The following PPARGC1A variants were observed in gnomAD, a reference collection of about 807,000 sequenced individuals.
PPARGC1A encodes the protein PPARG coactivator 1 alpha, also known as peroxisome proliferator-activated receptor gamma coactivator 1-alpha.
In PPARGC1A, 25 loss-of-function variants were observed where a neutral mutation model predicts 88.7. That is an observed-to-expected ratio of 0.28 (90% CI 0.21 to 0.39). PPARGC1A has a LOEUF of 0.39. Among genes scored for constraint, PPARGC1A ranks in the 10% least tolerant of loss-of-function variants. The pLI is 1.00. For missense variants in PPARGC1A, 880 were observed against 968.7 expected (o/e 0.91, Z 1.22); for synonymous variants, 363 against 355.6 (o/e 1.02, Z -0.24).
the PPARGC1A span, among the ~76,000 whole-genome samples, chr4:24,200,895 TA>T: frequency 6.6e-6 from 1 of 152,322 alleles, no homozygotes; most frequent in Non-Finnish European, 1.5e-5. Context: ...CTCTGTTTTC[TA>T]TGTTTCTTAT....
At chr4:23,917,361 G>A in the PPARGC1A span, among the ~76,000 whole-genome samples, 1 of 145,444 alleles carries the variant, frequency 6.9e-6, no homozygotes, top group East Asian at 2.0e-4. Flanking sequence ...ACTCTTTTCT[G>A]TGTTTTCTTT....
chr4:24,068,480 G>C, the PPARGC1A span, among the ~76,000 whole-genome samples: 2 of 152,122 alleles, frequency 1.3e-5, no homozygotes, highest in African/African-American at 4.8e-5. Flanking sequence ...ATTACAATGG[G>C]CTTCAGGGAA....
the PPARGC1A span, among the ~76,000 whole-genome samples, chr4:24,367,623 G>A: frequency 6.6e-6 from 1 of 152,122 alleles, no homozygotes; most frequent in African/African-American, 2.4e-5. Context: ...ATCTTAAAAT[G>A]CCTAAAAATG....
the PPARGC1A span, among the ~76,000 whole-genome samples, chr4:24,041,041 G>A: frequency 0.015 from 2,209 of 152,262 alleles, 17 homozygotes; most frequent in Non-Finnish European, 0.024. Flanking sequence ...TCTTGGCAGT[G>A]GGAGAACCGA....
At chr4:24,033,869 T>C in the PPARGC1A span, among the ~76,000 whole-genome samples, 1 of 152,280 alleles carries the variant, frequency 6.6e-6, no homozygotes, top group African/African-American at 2.4e-5. Context: ...TAACTCCAAC[T>C]CATATTCATT....
chr4:23,865,234 C>T (rs1711667982), intron 2 of PPARGC1A, among the ~76,000 whole-genome samples: 1 of 152,114 alleles, frequency 6.6e-6, no homozygotes, highest in Non-Finnish European at 1.5e-5. Context: ...AATGGACCAC[C>T]TCAGTCAAGC....
At chr4:24,339,191 C>CGTGT in the PPARGC1A span, among the ~76,000 whole-genome samples, 34 of 102,990 alleles carry the variant, frequency 3.3e-4, no homozygotes, top group African/African-American at 1.2e-3. Context: ...AAGGTTCATC[C>CGTGT]ATGTGTGTGT....
upstream of PPARGC1A, chr4:23,890,207 A>G: frequency 3.5e-6 from 2 of 568,766 alleles, no homozygotes; most frequent in Non-Finnish European, 5.0e-6. Context: ...GCTTCAGTGA[A>G]GTAACGCTTT....
chr4:24,119,454 C>T, the PPARGC1A span, among the ~76,000 whole-genome samples: 1 of 152,164 alleles, frequency 6.6e-6, no homozygotes, highest in Non-Finnish European at 1.5e-5. Context: ...GGGGGCTTCT[C>T]TGTGGCAACT....
At chr4:23,974,898 G>T in the PPARGC1A span, among the ~76,000 whole-genome samples, 2 of 137,870 alleles carry the variant, frequency 1.5e-5, no homozygotes, top group Non-Finnish European at 3.0e-5. Flanking sequence ...CTCGTGATCC[G>T]CCCACCTCGG....
chr4:24,183,124 A>G, the PPARGC1A span, among the ~76,000 whole-genome samples: 7 of 152,216 alleles, frequency 4.6e-5, no homozygotes, highest in African/African-American at 1.7e-4. Flanking sequence ...AAAATGACAT[A>G]TTTGAGGTAA....
the PPARGC1A span, among the ~76,000 whole-genome samples, chr4:24,443,627 C>G: frequency 5.1e-3 from 783 of 152,102 alleles, 7 homozygotes; most frequent in Non-Finnish European, 7.1e-3. Context: ...AAAATCTCGG[C>G]TCACTGCAAC....
chr4:23,920,906 C>G, the PPARGC1A span, among the ~76,000 whole-genome samples: 1 of 152,172 alleles, frequency 6.6e-6, no homozygotes, highest in African/African-American at 2.4e-5. Context: ...CCAGCCAGAA[C>G]TCCCATCTCT....
the PPARGC1A span, among the ~76,000 whole-genome samples, chr4:24,266,437 G>A: frequency 1.3e-5 from 2 of 152,152 alleles, no homozygotes; most frequent in Non-Finnish European, 2.9e-5. Context: ...CATTCATTCA[G>A]TCAGTCAGTA....
chr4:23,828,683 G>A, intron 4 of PPARGC1A, 79 bp from the exon 5 acceptor site: 1 of 1,339,968 alleles, frequency 7.5e-7, no homozygotes. Context: ...CTGGAGAGAT[G>A]GGATTTTTCA....
At chr4:23,918,928 C>T in the PPARGC1A span, among the ~76,000 whole-genome samples, 1 of 152,004 alleles carries the variant, frequency 6.6e-6, no homozygotes, top group Non-Finnish European at 1.5e-5. Flanking sequence ...CTTCTCTGTC[C>T]TCTACTAGTC....
chr4:24,454,238 T>C, the PPARGC1A span, among the ~76,000 whole-genome samples: 4 of 151,158 alleles, frequency 2.6e-5, no homozygotes, highest in Non-Finnish European at 4.4e-5. Flanking sequence ...CCAGCTGACC[T>C]TAGCCCATAT....
At chr4:24,050,631 G>T in the PPARGC1A span, among the ~76,000 whole-genome samples, 1 of 152,194 alleles carries the variant, frequency 6.6e-6, no homozygotes, top group Admixed American at 6.5e-5. Flanking sequence ...TCCCTAGTCT[G>T]GCTTCCTTCT....
chr4:24,170,259 C>T, the PPARGC1A span, among the ~76,000 whole-genome samples: 20 of 152,156 alleles, frequency 1.3e-4, no homozygotes, highest in Non-Finnish European at 2.9e-4. Flanking sequence ...ACAACTTCAG[C>T]TCAAGTGTGT....
Sources: allele counts gnomAD v4.1 joint callset (sites outside exome capture counted in the v4.1 genomes callset), GRCh38; gene constraint gnomAD v4.1.1; transcripts MANE v1.5; gene names NCBI Gene and HGNC (gene_info 2026-07-23, HGNC 2026-07-21).